The following GRIK2 variants were observed in gnomAD, a reference collection of about 807,000 sequenced individuals.
GRIK2 encodes the protein glutamate receptor ionotropic, kainate 2.
Under a neutral mutation model 100.3 loss-of-function variants are expected in GRIK2, and 32 were observed. The ratio of observed to expected loss-of-function variants is 0.32; its 90% CI spans 0.24 to 0.43. GRIK2 has a LOEUF of 0.43. Among genes scored for constraint, GRIK2 ranks in the 20% least tolerant of loss-of-function variants. The pLI is 1.00. For missense variants in GRIK2, 843 were observed against 1,114.9 expected (o/e 0.76, Z 3.47); for synonymous variants, 417 against 389.4 (o/e 1.07, Z -0.83).
chr6:101,947,017 G>T (rs1791322561), intron 14 of GRIK2, among the ~76,000 whole-genome samples: 1 of 151,968 alleles, frequency 6.6e-6, no homozygotes, highest in Admixed American at 6.6e-5. Context: ...TGTAATATTA[G>T]CAAGAAACTT....
intron 2 of GRIK2, among the ~76,000 whole-genome samples, chr6:101,429,809 G>T (rs1769276271): frequency 6.6e-6 from 1 of 152,052 alleles, no homozygotes; most frequent in South Asian, 2.1e-4. Flanking sequence ...ATTTCTTAAA[G>T]AATTGAGAAT....
At chr6:101,944,275 T>C (rs1021905722) in intron 14 of GRIK2, among the ~76,000 whole-genome samples, 2 of 152,206 alleles carry the variant, frequency 1.3e-5, no homozygotes, top group African/African-American at 4.8e-5. Flanking sequence ...TTTAGGTAGT[T>C]CTTTATAGAA....
Position 101,909,378 on chromosome 6 carries a change from T to TTTTGTTG in GRIK2, c.1749-15220_1749-15219insGTTGTTT, listed in dbSNP as rs774868812. Reference sequence around the variant, plus strand: ...ATGCTGAAGGAAGATAGGGTTTTCTTTTTCTTTTTTTTTTTTTTAAAGATC... The same window carrying TTTTGTTG: ...ATGCTGAAGGAAGATAGGGTTTTCTTTTTGTTGTTTCTTTTTTTTTTTTTTAAAGATC... On this transcript the variant is annotated intron_variant, in intron 12 of 16. Transcript: ENST00000369134. Among the ~76,000 whole-genome samples, 49 of 120,396 alleles carry TTTTGTTG rather than the reference T, an allele frequency of 4.1e-4. 3 individuals carry two copies. In the South Asian group the frequency reaches 6.8e-3, roughly 17 times the overall value. 79.0% of individuals were successfully genotyped at this position (120,396 alleles called of 152,430 possible).
At chr6:101,659,573 C>G (rs1769455596) in intron 4 of GRIK2, among the ~76,000 whole-genome samples, 1 of 152,098 alleles carries the variant, frequency 6.6e-6, no homozygotes, top group South Asian at 2.1e-4. Context: ...TGTCGATGGT[C>G]TTTACAATTT....
chr6:101,465,324 T>C (rs1457698007), intron 2 of GRIK2, among the ~76,000 whole-genome samples: 1 of 152,182 alleles, frequency 6.6e-6, no homozygotes, highest in African/African-American at 2.4e-5. Context: ...TTGATGTCCA[T>C]GTATATATAT....
At chr6:101,745,152 G>A (rs962877156) in intron 7 of GRIK2, 5 of 152,080 alleles carry the variant, frequency 3.3e-5, no homozygotes, top group African/African-American at 1.2e-4. Context: ...TCTTCATGGA[G>A]TAATTTAGTT....
At chr6:102,026,111 C>CATAT (rs6149730) in intron 14 of GRIK2, among the ~76,000 whole-genome samples, 1,962 of 99,424 alleles carry the variant, frequency 0.02, 51 homozygotes, top group Non-Finnish European at 0.023. Flanking sequence ...TATACACTTA[C>CATAT]ATATATATAT....
At chr6:101,532,530 G>T (rs1775491618) in intron 2 of GRIK2, among the ~76,000 whole-genome samples, 1 of 86,192 alleles carries the variant, frequency 1.2e-5, no homozygotes, top group Non-Finnish European at 2.2e-5. Context: ...AATGATGTCT[G>T]GGGAGACCTT....
At chr6:101,829,045 A>T (rs927206400) in intron 10 of GRIK2, among the ~76,000 whole-genome samples, 18 of 152,076 alleles carry the variant, frequency 1.2e-4, no homozygotes, top group African/African-American at 4.3e-4. Flanking sequence ...CCAGCAGCAC[A>T]TGAAAACATT....
chr6:101,626,766 A>C (rs1383014667), intron 4 of GRIK2, 129 bp downstream of exon 4: 9 of 711,980 alleles, frequency 1.3e-5, no homozygotes, highest in Non-Finnish European at 2.1e-5. Context: ...AGGGGTAGAA[A>C]GACAGAATCA....
chr6:101,662,240 G>A (rs1375058008), intron 4 of GRIK2, among the ~76,000 whole-genome samples: 1 of 152,178 alleles, frequency 6.6e-6, no homozygotes, highest in Non-Finnish European at 1.5e-5. Flanking sequence ...TGTCTTCTGT[G>A]TGAACTGTGA....
chr6:102,000,654 G>A (rs1794889492), intron 14 of GRIK2, among the ~76,000 whole-genome samples: 1 of 152,000 alleles, frequency 6.6e-6, no homozygotes. Flanking sequence ...CTATGCTGTT[G>A]AACTTATTGG....
intron 10 of GRIK2, among the ~76,000 whole-genome samples, chr6:101,830,292 A>G (rs2128427650): frequency 6.6e-6 from 1 of 152,108 alleles, no homozygotes; most frequent in Non-Finnish European, 1.5e-5. Context: ...TATCAAGGAA[A>G]TTAAATCTAA....
intron 2 of GRIK2, among the ~76,000 whole-genome samples, chr6:101,477,011 G>A (rs931564148): frequency 1.3e-5 from 2 of 152,116 alleles, no homozygotes; most frequent in African/African-American, 4.8e-5. Flanking sequence ...ATTAATTGTA[G>A]AGATTTTAAA....
At chr6:101,900,731 C>T (rs1292473606) in intron 12 of GRIK2, among the ~76,000 whole-genome samples, 1 of 151,780 alleles carries the variant, frequency 6.6e-6, no homozygotes, top group Non-Finnish European at 1.5e-5. Context: ...GTAAAATTTC[C>T]TGCAAAAAAG....
intron 7 of GRIK2, among the ~76,000 whole-genome samples, chr6:101,747,083 A>C (rs905969343): frequency 1.3e-5 from 2 of 152,194 alleles, no homozygotes; most frequent in Non-Finnish European, 2.9e-5. Context: ...GTCCCTTTGA[A>C]AATACTTTCT....
At chr6:101,895,896 C>T (rs142694712) in intron 12 of GRIK2, among the ~76,000 whole-genome samples, 3 of 151,470 alleles carry the variant, frequency 2.0e-5, no homozygotes, top group African/African-American at 7.2e-5. Context: ...TGCTAATATG[C>T]CTGTCACATA....
chr6:101,639,973 A>T (rs988930949), intron 4 of GRIK2, among the ~76,000 whole-genome samples: 1 of 152,206 alleles, frequency 6.6e-6, no homozygotes, highest in Admixed American at 6.6e-5. Context: ...TGAAAATACA[A>T]AGCCTAACAT....
intron 2 of GRIK2, among the ~76,000 whole-genome samples, chr6:101,508,718 C>A (rs1427839124): frequency 1.3e-5 from 2 of 152,068 alleles, no homozygotes; most frequent in Non-Finnish European, 2.9e-5. Flanking sequence ...AATCCTTCTC[C>A]TTCCTAGGAA....
Sources: gnomAD v4.1 joint callset for allele counts (sites outside exome capture counted in the v4.1 genomes callset) on GRCh38, gnomAD v4.1.1 for gene constraint, MANE v1.5 for transcripts, NCBI Gene and HGNC (gene_info 2026-07-23, HGNC 2026-07-21) for gene names.